The following EBF3 variants were observed in gnomAD, a reference collection of about 807,000 sequenced individuals.
The protein encoded by EBF3 is EBF transcription factor 3, also known as transcription factor COE3.
In EBF3, 18 loss-of-function variants were observed where a neutral mutation model predicts 77.1. The ratio of observed to expected loss-of-function variants is 0.23; its 90% confidence interval spans 0.16 to 0.35. The LOEUF (loss-of-function observed/expected upper bound fraction) is 0.35, where lower values mean the gene tolerates loss of function less well. EBF3 is among the 10% of genes least tolerant of loss of function. The pLI is 1.00. For synonymous variants in EBF3, 350 were observed against 343.5 expected (o/e 1.02, Z -0.21); for missense variants, 558 against 860.0 (o/e 0.65, Z 4.39).
Position 129,871,738 on chromosome 10 carries a change from AT to A in EBF3, c.781+1713del, listed in dbSNP as rs1038291535. Among the ~76,000 whole-genome samples, 6 of 152,362 alleles carry A rather than the reference AT, an allele frequency of 3.9e-5. No individual in the cohort carries two copies. In the South Asian group the frequency reaches 8.3e-4, roughly 21 times the overall value. On this transcript the variant is annotated intron_variant, in intron 8 of 16. Transcript: ENST00000440978. Reference sequence around the variant, plus strand: ...ATAACTGGGTATTAATTACAAAAAAATAAATAACCCTACTATTTATGACAAA... The same window carrying A: ...ATAACTGGGTATTAATTACAAAAAAAAAATAACCCTACTATTTATGACAAA...
chr10:129,842,009 C>A lies in EBF3; in HGVS notation c.1372+107G>T, dbSNP rs1021511032. 3 of 1,441,074 alleles carry A rather than the reference C, an allele frequency of 2.1e-6. No homozygotes were observed. Among genetic ancestry groups the A allele is most frequent in the African/African-American group, 2.8e-5 (2 of 71,578 alleles). The allele number at this position is 1,441,074 out of a possible 1,614,324, so 89.3% of individuals were successfully genotyped here. A position where few individuals can be genotyped will look rare whatever the true frequency, so the allele number is the denominator to read the frequency against. On this transcript the variant is annotated intron_variant, in intron 13 of 16. Coordinates refer to ENST00000440978, the MANE Select transcript of EBF3 (RefSeq NM_001375380.1). The surrounding 1 kb of genome is among the most constrained non-coding windows in gnomAD (Gnocchi z 4.4). ...CAGCAGAGCCAGAGAGAACAGAACG[C>A]TACGGACATTCCCCAGCTGGCCCTG...
chr10:129,849,614 T>C (rs1222863309), intron 10 of EBF3, among the ~76,000 whole-genome samples: 1 of 152,194 alleles, frequency 6.6e-6, no homozygotes, highest in Non-Finnish European at 1.5e-5. Context: ...CGGCGCATCT[T>C]GTAAGCAACG....
At chr10:129,852,673 CA>C (rs1262737047) in intron 10 of EBF3, among the ~76,000 whole-genome samples, 1 of 152,140 alleles carries the variant, frequency 6.6e-6, no homozygotes, top group Non-Finnish European at 1.5e-5. Context: ...TTAAATTAAG[CA>C]AGGGGACACG....
intron 6 of EBF3, among the ~76,000 whole-genome samples, chr10:129,936,972 C>G (rs767266416): frequency 6.6e-6 from 1 of 152,174 alleles, no homozygotes. Context: ...ACGGATCGGA[C>G]GTGTGAGAAC....
intron 6 of EBF3, among the ~76,000 whole-genome samples, chr10:129,926,213 C>T (rs1013423126): frequency 7.9e-5 from 12 of 152,336 alleles, no homozygotes; most frequent in Non-Finnish European, 1.5e-4. Context: ...GAGCATCTGA[C>T]GGGTGCCAGT....
At chr10:129,856,455 A>C (rs1248642100) in intron 10 of EBF3, among the ~76,000 whole-genome samples, 1 of 152,200 alleles carries the variant, frequency 6.6e-6, no homozygotes, top group African/African-American at 2.4e-5. Context: ...GAAAACACGC[A>C]AAGTGAAAGA....
intron 10 of EBF3, among the ~76,000 whole-genome samples, chr10:129,852,494 G>A (rs1350358086): frequency 6.6e-6 from 1 of 152,142 alleles, no homozygotes; most frequent in African/African-American, 2.4e-5. Flanking sequence ...GAGGCACTGG[G>A]ATTTTCTTTC....
At position 129,841,686 on chromosome 10, in the gene EBF3, G is replaced by A. The variant is rs1007536533; in HGVS notation, c.1372+430C>T. On this transcript the variant is annotated intron_variant, in intron 13 of 16. Transcript: ENST00000440978. The surrounding 1 kb of genome is among the most constrained non-coding windows in gnomAD (Gnocchi z 4.6). Reference sequence around the variant, plus strand: ...TGCACTGTGGGATGGGGTGCGGGGTGGGGAAATGGGGGTCTGTCTCCATGG... The same window carrying A: ...TGCACTGTGGGATGGGGTGCGGGGTAGGGAAATGGGGGTCTGTCTCCATGG... 3.3e-5 allele frequency among the ~76,000 whole-genome samples: 5 copies of A among 152,144 alleles called. No individual in the cohort carries two copies. Among genetic ancestry groups the A allele is most frequent in the Non-Finnish European group, 5.9e-5 (4 of 68,038 alleles).
chr10:129,870,414 C>A lies in EBF3; in HGVS notation c.782-2502G>T, dbSNP rs189234939. On this transcript the variant is annotated intron_variant, in intron 8 of 16. Coordinates refer to ENST00000440978, the MANE Select transcript of EBF3 (RefSeq NM_001375380.1). The surrounding 1 kb of genome is among the most constrained non-coding windows in gnomAD (Gnocchi z 4.4). Reference sequence around the variant, plus strand: ...GACAGGGAGCCCCCACACTCCCCATCTCTTTCCCGGCCTGGCCCTGTGATG... The same window carrying A: ...GACAGGGAGCCCCCACACTCCCCATATCTTTCCCGGCCTGGCCCTGTGATG... 3.7e-4 allele frequency among the ~76,000 whole-genome samples: 57 copies of A among 152,142 alleles called. No homozygotes were observed. In the East Asian group the frequency reaches 7.8e-3, roughly 21 times the overall value.
At position 129,947,673 on chromosome 10, in the gene EBF3, A is replaced by G. The variant is rs180930809; in HGVS notation, c.554+9585T>C. Reference sequence around the variant, plus strand: ...TTTTCATTTCTTTCTTTGCAAAGGAACCAAATGCTTTGAAAAAAAAAAAAA... The same window carrying G: ...TTTTCATTTCTTTCTTTGCAAAGGAGCCAAATGCTTTGAAAAAAAAAAAAA... On this transcript the variant is annotated intron_variant, in intron 6 of 16. Coordinates refer to ENST00000440978, the MANE Select transcript of EBF3 (RefSeq NM_001375380.1). The surrounding 1 kb of genome is among the most constrained non-coding windows in gnomAD (Gnocchi z 4.5). Among the ~76,000 whole-genome samples, 2 of 151,470 alleles carry G rather than the reference A, an allele frequency of 1.3e-5. No individual in the cohort carries two copies. The highest frequency in any genetic ancestry group is 1.3e-4 in the Admixed American group (2 of 15,192).
At position 129,884,179 on chromosome 10, in the gene EBF3, G is replaced by T. The variant is rs185967278; in HGVS notation, c.555-6330C>A. 2.8e-3 allele frequency among the ~76,000 whole-genome samples: 432 copies of T among 152,338 alleles called. 7 individuals carry two copies. The highest frequency in any genetic ancestry group is 9.5e-3 in the African/African-American group (395 of 41,578). ...AAAGCAGTGGCCACAGCTGTGGTGT[G>T]TGCACACCCGGCCATCAGTCGCTGG... On this transcript the variant is annotated intron_variant, in intron 6 of 16. Transcript: ENST00000440978.
In EBF3 at chr10:129,839,205, A is replaced by G. The variant is rs753260883; in HGVS notation, c.1760-10T>C. The stretch of plus-strand genomic sequence containing the variant: ...GCACCCAGCAGAGAGCCTGGTACAT[A>G]GTAGGTGCTCAGTAAATACTGGTTG... On this transcript the variant is annotated splice_polypyrimidine_tract_variant and intron_variant, in intron 15 of 16. Coordinates refer to ENST00000440978, the MANE Select transcript of EBF3 (RefSeq NM_001375380.1). 2 of 1,208,802 alleles carry G rather than the reference A, an allele frequency of 1.7e-6. No individual in the cohort carries two copies. The highest frequency in any genetic ancestry group is 1.3e-5 in the South Asian group (1 of 79,152). 74.9% of individuals were successfully genotyped at this position (1,208,802 alleles called of 1,614,324 possible). A position where few individuals can be genotyped will look rare whatever the true frequency, so the allele number is the denominator to read the frequency against.
chr10:129,921,944 G>A (rs1466163836), intron 6 of EBF3, among the ~76,000 whole-genome samples: 1 of 152,192 alleles, frequency 6.6e-6, no homozygotes, highest in Non-Finnish European at 1.5e-5. Context: ...ATCCCTGTGT[G>A]TCACATGCCA....
At chr10:129,840,687 G>A (rs922805679) in intron 14 of EBF3, among the ~76,000 whole-genome samples, 157 bp downstream of exon 14, 3 of 152,154 alleles carry the variant, frequency 2.0e-5, no homozygotes, top group Admixed American at 1.3e-4. Flanking sequence ...GGCCCGTTTT[G>A]GGTCAATTTA....
At chr10:129,867,535 G>A (rs550151515) in intron 9 of EBF3, among the ~76,000 whole-genome samples, 99 of 152,308 alleles carry the variant, frequency 6.5e-4, no homozygotes, top group African/African-American at 2.1e-3. Context: ...CCTGCTTCTC[G>A]TAATTCTAGC....
chr10:129,881,235 A>C (rs562728950), intron 6 of EBF3, among the ~76,000 whole-genome samples: 14 of 152,298 alleles, frequency 9.2e-5, no homozygotes, highest in African/African-American at 2.9e-4. Flanking sequence ...AGAGGCGATA[A>C]AAATTCTAAC....
intron 11 of EBF3, chr10:129,845,840 G>A (rs1475481476): frequency 6.6e-6 from 1 of 151,564 alleles, no homozygotes; most frequent in Non-Finnish European, 1.5e-5. Flanking sequence ...TAATTTTATG[G>A]TAAAATCATT....
chr10:129,923,372 C>G (rs893652915), intron 6 of EBF3, among the ~76,000 whole-genome samples: 2 of 152,206 alleles, frequency 1.3e-5, no homozygotes, highest in Non-Finnish European at 2.9e-5. Flanking sequence ...GGAACTCACA[C>G]TGCCTGATTT....
intron 6 of EBF3, among the ~76,000 whole-genome samples, chr10:129,922,709 G>A (rs1856395012): frequency 6.6e-6 from 1 of 152,244 alleles, no homozygotes; most frequent in Admixed American, 6.5e-5. Context: ...ACGAACCCCT[G>A]CGTCACGGAC....
Sources: gnomAD v4.1 joint callset for allele counts (sites outside exome capture counted in the v4.1 genomes callset) on GRCh38, gnomAD v4.1.1 for gene constraint, Gnocchi (gnomAD v3.1) non-coding constraint, MANE v1.5 for transcripts, NCBI Gene and HGNC (gene_info 2026-07-23, HGNC 2026-07-21) for gene names.